The following GALNT10 variants were observed in gnomAD, a reference collection of about 807,000 sequenced individuals.
GALNT10 encodes GalNAc transferase 10.
GALNT10 carries 41 observed loss-of-function variants against 75.0 expected under a neutral mutation model. That is an observed-to-expected ratio of 0.55 (90% CI 0.43 to 0.71). The LOEUF (loss-of-function observed/expected upper bound fraction) is 0.71. Ranked by LOEUF, GALNT10 falls within the 30% of genes least tolerant of loss-of-function variation. The pLI, the probability that GALNT10 is intolerant of heterozygous loss-of-function variation, is 0.00. For missense variants in GALNT10, 727 were observed against 818.5 expected (o/e 0.89, Z 1.36); for synonymous variants, 302 against 313.0 (o/e 0.96, Z 0.37).
intron 1 of GALNT10, among the ~76,000 whole-genome samples, chr5:154,219,834 T>TCACA (rs763537693): frequency 2.6e-4 from 34 of 129,714 alleles, no homozygotes; most frequent in Middle Eastern, 7.7e-3. Flanking sequence ...TCTCTCTCTC[T>TCACA]CTCTCACACA....
intron 1 of GALNT10, among the ~76,000 whole-genome samples, chr5:154,229,770 A>G (rs1284317038): frequency 6.6e-5 from 10 of 152,100 alleles, no homozygotes. Flanking sequence ...GCAATCACGG[A>G]CCAGGACAGT....
chr5:154,362,809 T>C (rs1054750924), intron 4 of GALNT10, among the ~76,000 whole-genome samples: 3 of 152,252 alleles, frequency 2.0e-5, no homozygotes, highest in Admixed American at 6.5e-5. Flanking sequence ...GTGAGACAGC[T>C]CTTCTTATCA....
At chr5:154,294,347 C>T (rs1754242838) in intron 1 of GALNT10, among the ~76,000 whole-genome samples, 1 of 151,976 alleles carries the variant, frequency 6.6e-6, no homozygotes, top group Non-Finnish European at 1.5e-5. Flanking sequence ...CTCCCCATCT[C>T]CCTAAAAAAA....
chr5:154,261,316 C>G (rs1355219532), intron 1 of GALNT10, among the ~76,000 whole-genome samples: 1 of 152,002 alleles, frequency 6.6e-6, no homozygotes, highest in Non-Finnish European at 1.5e-5. Flanking sequence ...GGTGGAGAAA[C>G]GGAGCTCCAG....
intron 1 of GALNT10, among the ~76,000 whole-genome samples, chr5:154,220,970 A>T (rs1475799218): frequency 6.6e-6 from 1 of 152,242 alleles, no homozygotes. Flanking sequence ...TTTAAATATC[A>T]TGCAGGCCAA....
intron 5 of GALNT10, among the ~76,000 whole-genome samples, chr5:154,377,521 C>T (rs746723922): frequency 3.3e-5 from 5 of 152,158 alleles, no homozygotes; most frequent in Non-Finnish European, 4.4e-5. Context: ...CCAGGAGGCC[C>T]GGGGTGGAGC....
At chr5:154,356,887 T>C (rs1400426067) in intron 4 of GALNT10, among the ~76,000 whole-genome samples, 1 of 152,276 alleles carries the variant, frequency 6.6e-6, no homozygotes, top group Non-Finnish European at 1.5e-5. Context: ...GAGGGTTCAC[T>C]GCACCCAAGA....
intron 1 of GALNT10, among the ~76,000 whole-genome samples, chr5:154,231,711 T>A (rs758496786): frequency 2.0e-4 from 30 of 152,160 alleles, no homozygotes; most frequent in Non-Finnish European, 4.4e-4. Flanking sequence ...TGGGACAACA[T>A]CTTGGTCTCT....
At chr5:154,208,256 A>C (rs1775140174) in intron 1 of GALNT10, among the ~76,000 whole-genome samples, 1 of 152,168 alleles carries the variant, frequency 6.6e-6, no homozygotes, top group Non-Finnish European at 1.5e-5. Context: ...CATTAGACAG[A>C]TAATTCCAGG....
Position 154,223,624 on chromosome 5 carries a change from A to G in GALNT10, c.159+32599A>G, listed in dbSNP as rs78214644. ...ACAAAGATGACAGAAAGGGAATAAC[A>G]ATTGGAGGGAGCAGGCCGGGTGCAG... On this transcript the variant is annotated intron_variant, in intron 1 of 11. Transcript: ENST00000297107. Among the ~76,000 whole-genome samples the G allele has an allele frequency of 3.7e-3, 559 of 152,326 alleles. 4 individuals carry two copies. Among genetic ancestry groups the G allele is most frequent in the African/African-American group, 0.013 (529 of 41,552 alleles).
intron 7 of GALNT10, chr5:154,389,542 A>G (rs948810052): frequency 6.6e-6 from 1 of 151,024 alleles, no homozygotes; most frequent in Non-Finnish European, 1.5e-5. Context: ...AGATCGTGCC[A>G]CTGCACTCTA....
intron 1 of GALNT10, among the ~76,000 whole-genome samples, chr5:154,293,625 C>CTTTTTTTTTTTTTTTTTTTTT (rs1320287927): frequency 1.6e-4 from 21 of 128,144 alleles, no homozygotes; most frequent in Non-Finnish European, 2.7e-4. Context: ...TTTTTTTTTC[C>CTTTTTTTTTTTTTTTTTTTTT]TTTCAGCCAT....
intron 4 of GALNT10, among the ~76,000 whole-genome samples, chr5:154,358,491 T>C (rs1432860586): frequency 6.6e-6 from 1 of 152,150 alleles, no homozygotes; most frequent in African/African-American, 2.4e-5. Flanking sequence ...AAACTGAAGC[T>C]TAGAGAAATT....
chr5:154,318,236 C>CAA, intron 3 of GALNT10, among the ~76,000 whole-genome samples: 1 of 152,214 alleles, frequency 6.6e-6, no homozygotes, highest in African/African-American at 2.4e-5. Context: ...CAGACTTGCC[C>CAA]ATTCCCTCAT....
intron 1 of GALNT10, among the ~76,000 whole-genome samples, chr5:154,213,757 T>C (rs1752818110): frequency 6.6e-6 from 1 of 152,194 alleles, no homozygotes; most frequent in African/African-American, 2.4e-5. Flanking sequence ...GTTTTTGTAC[T>C]TTTTGTAGCG....
intron 1 of GALNT10, among the ~76,000 whole-genome samples, chr5:154,268,604 C>T (rs530758468): frequency 4.7e-4 from 71 of 152,310 alleles, no homozygotes; most frequent in African/African-American, 1.6e-3. Context: ...AAATCGCATT[C>T]AGAAAAATCT....
rs1754964836 is a variant in GALNT10 at position 154,337,639 on chromosome 5, C to T, written c.568+7901C>T. 5 of 974,528 alleles carry T rather than the reference C, an allele frequency of 5.1e-6. No individual in the cohort carries two copies. In the South Asian group the frequency reaches 6.4e-5, roughly 12 times the overall value. 60.4% of individuals were successfully genotyped at this position (974,528 alleles called of 1,614,324 possible). Reference sequence around the variant, plus strand: ...TTTGAAGACTGATAGTTGTAATTGCCAAAATCATTGTAGCTTCCATCACCT... The same window carrying T: ...TTTGAAGACTGATAGTTGTAATTGCTAAAATCATTGTAGCTTCCATCACCT... On this transcript the variant is annotated intron_variant, in intron 4 of 11. Transcript: ENST00000297107.
At chr5:154,272,111 C>T (rs1753875390) in intron 1 of GALNT10, among the ~76,000 whole-genome samples, 1 of 152,120 alleles carries the variant, frequency 6.6e-6, no homozygotes, top group Non-Finnish European at 1.5e-5. Flanking sequence ...CTGGTGCAGG[C>T]GGCCCCTCTG....
chr5:154,343,298 C>A (rs1250504910), intron 4 of GALNT10, among the ~76,000 whole-genome samples: 1 of 152,108 alleles, frequency 6.6e-6, no homozygotes, highest in East Asian at 1.9e-4. Flanking sequence ...TGAGAACAGT[C>A]CCCTCATTTT....
Sources: allele counts gnomAD v4.1 joint callset (sites outside exome capture counted in the v4.1 genomes callset), GRCh38; gene constraint gnomAD v4.1.1; transcripts MANE v1.5; gene names NCBI Gene and HGNC (gene_info 2026-07-23, HGNC 2026-07-21).